The following ARNT2 variants were observed in gnomAD, a reference collection of about 807,000 sequenced individuals.
ARNT2 encodes aryl hydrocarbon receptor nuclear translocator 2, also known as ARNT protein 2.
ARNT2 carries 36 observed loss-of-function variants against 91.7 expected under a neutral mutation model. That is an observed-to-expected ratio of 0.39 (90% CI 0.30 to 0.52). The LOEUF (loss-of-function observed/expected upper bound fraction) is 0.52. Ranked by LOEUF, ARNT2 falls within the 20% of genes least tolerant of loss-of-function variation. The probability of loss-of-function intolerance (pLI) is 0.72; values close to 1 mark genes in which losing one functional copy is unlikely to be tolerated. For synonymous variants in ARNT2, 365 were observed against 347.1 expected (o/e 1.05, Z -0.57); for missense variants, 775 against 939.3 (o/e 0.83, Z 2.29).
chr15:80,516,828 A>ATATATATATATATATAT (rs1897440952), intron 8 of ARNT2, among the ~76,000 whole-genome samples: 1 of 74,800 alleles, frequency 1.3e-5, no homozygotes, highest in Non-Finnish European at 2.7e-5. Context: ...TACAATTACA[A>ATATATATATATATATAT]ATATATATAT....
At chr15:80,461,666 T>TG (rs1168922204) in intron 3 of ARNT2, among the ~76,000 whole-genome samples, 2 of 150,486 alleles carry the variant, frequency 1.3e-5, no homozygotes, top group African/African-American at 2.5e-5. Context: ...GGGGGTGGTC[T>TG]GGGGGCAGGG....
chr15:80,468,304 T>C (rs76204035), intron 3 of ARNT2, among the ~76,000 whole-genome samples: 4,266 of 151,706 alleles, frequency 0.028, 185 homozygotes, highest in African/African-American at 0.096. Flanking sequence ...TCCCGCAACC[T>C]GCACCTCCCC....
chr15:80,492,918 A>G (rs1897076995), intron 5 of ARNT2, among the ~76,000 whole-genome samples: 2 of 152,142 alleles, frequency 1.3e-5, no homozygotes, highest in African/African-American at 4.8e-5. Context: ...GTTTCAACAT[A>G]TTGTGTTCTT....
At chr15:80,492,879 G>A (rs1403288887) in intron 5 of ARNT2, among the ~76,000 whole-genome samples, 1 of 151,994 alleles carries the variant, frequency 6.6e-6, no homozygotes, top group Non-Finnish European at 1.5e-5. Context: ...TATTATGAAA[G>A]ATTTTCTCAA....
At chr15:80,409,513 A>G (rs1298677344) in intron 1 of ARNT2, among the ~76,000 whole-genome samples, 1 of 151,714 alleles carries the variant, frequency 6.6e-6, no homozygotes, top group African/African-American at 2.4e-5. Context: ...AAGTTTTGGC[A>G]ATTATGACGA....
chr15:80,525,570 G>A (rs950224464), intron 8 of ARNT2, among the ~76,000 whole-genome samples: 1 of 151,914 alleles, frequency 6.6e-6, no homozygotes, highest in Non-Finnish European at 1.5e-5. Flanking sequence ...AGGGAGGGGG[G>A]TAAAAGGGAA....
chr15:80,451,639 C>A (rs927544883), intron 2 of ARNT2, among the ~76,000 whole-genome samples: 3 of 152,014 alleles, frequency 2.0e-5, no homozygotes, highest in Non-Finnish European at 4.4e-5. Context: ...ACCAACCAAC[C>A]AACTAACCAA....
chr15:80,559,520 C>T (rs1048913291), intron 11 of ARNT2, among the ~76,000 whole-genome samples: 2 of 152,190 alleles, frequency 1.3e-5, no homozygotes, highest in Non-Finnish European at 2.9e-5. Flanking sequence ...GAGGTGGCTA[C>T]GTCAGCTAAG....
chr15:80,533,536 C>T (rs748627092), intron 8 of ARNT2, among the ~76,000 whole-genome samples: 1 of 152,232 alleles, frequency 6.6e-6, no homozygotes, highest in South Asian at 2.1e-4. Context: ...CATGGCCCTA[C>T]ACTTCAGATG....
At chr15:80,554,014 C>G (rs1331432380) in intron 10 of ARNT2, among the ~76,000 whole-genome samples, 1 of 152,220 alleles carries the variant, frequency 6.6e-6, no homozygotes, top group Non-Finnish European at 1.5e-5. Context: ...CTCCTTGGCA[C>G]ACAGATAGGA....
intron 1 of ARNT2, among the ~76,000 whole-genome samples, chr15:80,423,193 T>G (rs1319837897): frequency 1.3e-5 from 2 of 152,192 alleles, no homozygotes; most frequent in African/African-American, 4.8e-5. Context: ...AGGGGACACA[T>G]GAAATGTGTT....
intron 5 of ARNT2, among the ~76,000 whole-genome samples, chr15:80,492,577 T>A (rs1257085198): frequency 1.3e-5 from 2 of 152,200 alleles, no homozygotes; most frequent in African/African-American, 4.8e-5. Flanking sequence ...CTTCTCTGTC[T>A]CCTCTGTCAG....
chr15:80,469,868 G>A (rs761343748), intron 3 of ARNT2, among the ~76,000 whole-genome samples: 1 of 152,192 alleles, frequency 6.6e-6, no homozygotes, highest in African/African-American at 2.4e-5. Context: ...GCACACCTTG[G>A]CCTCCCAAAG....
intron 1 of ARNT2, among the ~76,000 whole-genome samples, chr15:80,433,002 T>C (rs1023359321): frequency 6.6e-6 from 1 of 152,172 alleles, no homozygotes; most frequent in African/African-American, 2.4e-5. Context: ...TATTTTATAT[T>C]TGTAGAGTAA....
Position 80,574,152 on chromosome 15 carries a change from C to G in ARNT2, c.1321C>G (p.Leu441Val), listed in dbSNP as rs770254726. 1 of 1,614,192 alleles carries G rather than the reference C, an allele frequency of 6.2e-7. No homozygotes were observed. The highest frequency in any genetic ancestry group is 1.3e-5 in the African/African-American group (1 of 75,052). Residue 441 changes from leucine to valine, a missense_variant, in exon 13 of 19, where the codon CTT becomes GTT. Transcript: ENST00000303329. ...TGTTGTCTTCTTGTTTCACAGGCAA[C>G]TTCAGCAACAGCAGGCAGAATTGGA... ...IICTNTNVKQ[L>V]QQQQAELEVH...
chr15:80,414,806 T>G (rs1895754306), intron 1 of ARNT2, among the ~76,000 whole-genome samples: 1 of 151,568 alleles, frequency 6.6e-6, no homozygotes, highest in African/African-American at 2.4e-5. Flanking sequence ...CCAGAAAACT[T>G]CCAATTCAGT....
Position 80,573,047 on chromosome 15 carries a change from C to T in ARNT2, c.1317-1101C>T, listed in dbSNP as rs55641922. Among the ~76,000 whole-genome samples, 411 of 152,310 alleles carry T rather than the reference C, an allele frequency of 2.7e-3. 1 individual carries two copies. The highest frequency in any genetic ancestry group is 9.3e-3 in the African/African-American group (388 of 41,570). ...CAGCAGCAGGATGACCACCTGGGAGCGTGTGAGCAAGTCCACAGTCCCTCA... is the reference window on the plus strand; with the variant it reads ...CAGCAGCAGGATGACCACCTGGGAGTGTGTGAGCAAGTCCACAGTCCCTCA... On this transcript the variant is annotated intron_variant, in intron 12 of 18. Transcript: ENST00000303329.
intron 3 of ARNT2, among the ~76,000 whole-genome samples, chr15:80,461,188 C>G (rs940334703): frequency 6.6e-6 from 1 of 152,162 alleles, no homozygotes; most frequent in Non-Finnish European, 1.5e-5. Context: ...TGTGGACCAC[C>G]AATGTGAGGT....
chr15:80,510,149 G>A (rs921615907), intron 6 of ARNT2, among the ~76,000 whole-genome samples: 3 of 152,046 alleles, frequency 2.0e-5, no homozygotes, highest in African/African-American at 4.8e-5. Context: ...TTTCACAGAC[G>A]GAGCCAGCCT....
Sources: gnomAD v4.1 joint callset for allele counts (sites outside exome capture counted in the v4.1 genomes callset) on GRCh38, gnomAD v4.1.1 for gene constraint, MANE v1.5 for transcripts, NCBI Gene and HGNC (gene_info 2026-07-23, HGNC 2026-07-21) for gene names.